IMPA2: variants seen among roughly 807,000 people sequenced by gnomAD.
IMPA2 encodes inositol monophosphatase 2.
In IMPA2, 32 loss-of-function variants were observed where a neutral mutation model predicts 35.1. The observed-to-expected ratio is 0.91, with a 90% CI of 0.69 to 1.23. The LOEUF (loss-of-function observed/expected upper bound fraction) is 1.23, where lower values mean the gene tolerates loss of function less well. IMPA2 is among the 50% of genes most tolerant of loss of function. The pLI, the probability that IMPA2 is intolerant of heterozygous loss-of-function variation, is 0.00. For missense variants in IMPA2, 334 were observed against 387.6 expected (o/e 0.86, Z 1.16); for synonymous variants, 135 against 160.6 (o/e 0.84, Z 1.20).
intron 5 of IMPA2, among the ~76,000 whole-genome samples, chr18:12,015,766 G>A (rs772918601): frequency 2.6e-5 from 4 of 152,204 alleles, no homozygotes; most frequent in Admixed American, 6.5e-5. Flanking sequence ...ACAGCTGTGC[G>A]TGCCAGGAGG....
chr18:11,983,746 G>A (rs903568862), intron 1 of IMPA2, among the ~76,000 whole-genome samples: 1 of 152,020 alleles, frequency 6.6e-6, no homozygotes, highest in Non-Finnish European at 1.5e-5. Context: ...CCTGCCTGCC[G>A]GGCAGTGCTG....
At chr18:12,006,776 T>C (rs1168115988) in intron 2 of IMPA2, among the ~76,000 whole-genome samples, 1 of 152,184 alleles carries the variant, frequency 6.6e-6, no homozygotes, top group African/African-American at 2.4e-5. Flanking sequence ...AGTGGAAGGA[T>C]GGTCCCAGAG....
intron 5 of IMPA2, among the ~76,000 whole-genome samples, chr18:12,022,718 A>C (rs1907768671): frequency 1.3e-5 from 2 of 150,816 alleles, no homozygotes; most frequent in South Asian, 4.2e-4. Flanking sequence ...TCTGGAGCAA[A>C]ATCAAACAGT....
rs573236517 is a variant in IMPA2 at position 12,020,783 on chromosome 18, A to C, written c.490+6410A>C. On this transcript the variant is annotated intron_variant, in intron 5 of 7. Coordinates refer to ENST00000269159, the MANE Select transcript of IMPA2 (RefSeq NM_014214.3). ...TATTTCCTTTATGTAATTTTTCCTA[A>C]GTTCTGTGACCTGTGATTTGGATTA... Among the ~76,000 whole-genome samples, 13 of 152,056 alleles carry C rather than the reference A, an allele frequency of 8.5e-5. No individual in the cohort carries two copies. In the South Asian group the frequency reaches 2.5e-3, roughly 29 times the overall value.
chr18:11,999,635 G>T (rs536327064), intron 2 of IMPA2, among the ~76,000 whole-genome samples: 5 of 152,332 alleles, frequency 3.3e-5, no homozygotes, highest in South Asian at 2.1e-4. Flanking sequence ...GCCGCGTGGG[G>T]CCCCCGGCCC....
intron 1 of IMPA2, among the ~76,000 whole-genome samples, chr18:11,993,176 C>G (rs591061): frequency 6.6e-6 from 1 of 152,106 alleles, no homozygotes; most frequent in African/African-American, 2.4e-5. Flanking sequence ...GTGTTAGATA[C>G]ACTGTTATTA....
At chr18:12,007,611 T>TTTC (rs1310585588) in intron 2 of IMPA2, among the ~76,000 whole-genome samples, 110 of 136,646 alleles carry the variant, frequency 8.1e-4, no homozygotes, top group African/African-American at 2.5e-3. Context: ...TTTCTCTTTC[T>TTTC]TTCTTTCTTT....
intron 2 of IMPA2, among the ~76,000 whole-genome samples, chr18:12,008,886 A>G (rs1279694218): frequency 1.3e-5 from 2 of 152,172 alleles, no homozygotes; most frequent in African/African-American, 4.8e-5. Flanking sequence ...AGAGGGACTC[A>G]TTACAAAGGA....
At chr18:11,987,410 A>G (rs1376730586) in intron 1 of IMPA2, among the ~76,000 whole-genome samples, 1 of 152,052 alleles carries the variant, frequency 6.6e-6, no homozygotes, top group Non-Finnish European at 1.5e-5. Flanking sequence ...GGCTCATCAA[A>G]ACCTCTGCCT....
chr18:12,021,277 C>T (rs1018288160), intron 5 of IMPA2, among the ~76,000 whole-genome samples: 2 of 152,006 alleles, frequency 1.3e-5, no homozygotes, highest in Non-Finnish European at 2.9e-5. Context: ...CCTGTAGTTC[C>T]AGCTACTCAG....
At chr18:12,005,412 T>C (rs1435995185) in intron 2 of IMPA2, among the ~76,000 whole-genome samples, 2 of 151,630 alleles carry the variant, frequency 1.3e-5, no homozygotes, top group Non-Finnish European at 2.9e-5. Context: ...TTGAGCCCAG[T>C]GGTTTGTGGC....
chr18:11,986,460 G>T (rs1393960623), intron 1 of IMPA2, among the ~76,000 whole-genome samples: 1 of 152,018 alleles, frequency 6.6e-6, no homozygotes, highest in Non-Finnish European at 1.5e-5. Flanking sequence ...TCCTTGCCTG[G>T]TGGTGTGCCC....
chr18:12,019,471 T>TTGGCCAGGC (rs756145418), intron 5 of IMPA2, among the ~76,000 whole-genome samples: 44 of 150,658 alleles, frequency 2.9e-4, no homozygotes, highest in Non-Finnish European at 5.3e-4. Context: ...TTTCACCGTG[T>TTGGCCAGGC]TGGCCAGGCT....
At chr18:12,023,806 C>G (rs1242776889) in intron 5 of IMPA2, among the ~76,000 whole-genome samples, 1 of 152,190 alleles carries the variant, frequency 6.6e-6, no homozygotes, top group Non-Finnish European at 1.5e-5. Flanking sequence ...GAAAATCACT[C>G]TTAGAGTGTA....
chr18:11,988,686 A>G lies in IMPA2; in HGVS notation c.96+6921A>G, dbSNP rs146804938. Among the ~76,000 whole-genome samples the G allele has an allele frequency of 7.6e-3, 1,157 of 152,304 alleles. 13 individuals carry two copies. The highest frequency in any genetic ancestry group is 0.013 in the Non-Finnish European group (872 of 68,012). Reference sequence around the variant, plus strand: ...GGGGTGTGAGAGAAAGAGAGGAGCCAAGGGTGACTTCAGGGGTTTAGGCCT... The same window carrying G: ...GGGGTGTGAGAGAAAGAGAGGAGCCGAGGGTGACTTCAGGGGTTTAGGCCT... On this transcript the variant is annotated intron_variant, in intron 1 of 7. Transcript: ENST00000269159.
chr18:12,023,313 G>A (rs1196524894), intron 5 of IMPA2, among the ~76,000 whole-genome samples: 1 of 152,176 alleles, frequency 6.6e-6, no homozygotes, highest in African/African-American at 2.4e-5. Flanking sequence ...AGCAGCTCAT[G>A]TCGCTTCTCC....
At chr18:11,988,909 C>T (rs2143776560) in intron 1 of IMPA2, among the ~76,000 whole-genome samples, 2 of 152,252 alleles carry the variant, frequency 1.3e-5, no homozygotes, top group Non-Finnish European at 2.9e-5. Context: ...ACAGCTTCTA[C>T]CTCCTGGGCT....
At chr18:11,982,809 A>C (rs1906545125) in intron 1 of IMPA2, among the ~76,000 whole-genome samples, 1 of 149,684 alleles carries the variant, frequency 6.7e-6, no homozygotes, top group Non-Finnish European at 1.5e-5. Context: ...AAAAAAAAAA[A>C]AGTGATTGTT....
chr18:12,012,491 G>A (rs879135615), intron 4 of IMPA2: 1 of 489,948 alleles, frequency 2.0e-6, no homozygotes, highest in South Asian at 4.1e-5. Flanking sequence ...CTGTGGAAGC[G>A]GAAGTCTTAA....
Sources: gnomAD v4.1 joint callset for allele counts (sites outside exome capture counted in the v4.1 genomes callset) on GRCh38, gnomAD v4.1.1 for gene constraint, MANE v1.5 for transcripts, NCBI Gene and HGNC (gene_info 2026-07-23, HGNC 2026-07-21) for gene names.